The following POMK variants were observed in gnomAD, a reference collection of about 807,000 sequenced individuals.
The protein encoded by POMK is protein O-mannose kinase.
A neutral mutation model predicts 23.0 loss-of-function variants in POMK; 19 were observed. The ratio of observed to expected loss-of-function variants is 0.83; its 90% confidence interval spans 0.58 to 1.21. The LOEUF is 1.21. Ranked by LOEUF, POMK falls within the 50% of genes most tolerant of loss-of-function variation. POMK has a pLI of 0.00. For synonymous variants in POMK, 173 were observed against 171.6 expected (o/e 1.01, Z -0.06); for missense variants, 410 against 431.3 (o/e 0.95, Z 0.44).
chr8:43,114,101 T>A (rs896864036), intron 4 of POMK, among the ~76,000 whole-genome samples: 4 of 152,232 alleles, frequency 2.6e-5, no homozygotes, highest in African/African-American at 9.6e-5. Context: ...TTGTCAGATC[T>A]CCAGCTGCGT....
chr8:43,114,776 T>A lies in POMK; in HGVS notation c.283-7331T>A, dbSNP rs562737852. ...TGCCCCTTCGATGCTTTGAGATTTT[T>A]AAACCCAAGATTACATTAAAAGAAC... is the stretch of plus-strand genomic sequence containing the variant. On this transcript the variant is annotated intron_variant, in intron 4 of 4. Coordinates refer to ENST00000331373, the MANE Select transcript of POMK (RefSeq NM_032237.5). Among the ~76,000 whole-genome samples the A allele has an allele frequency of 4.6e-5, 7 of 152,350 alleles. 1 individual carries two copies. In the South Asian group the frequency reaches 1.5e-3, roughly 32 times the overall value.
At chr8:43,105,110 A>G (rs1240792585) in intron 4 of POMK, among the ~76,000 whole-genome samples, 1 of 152,220 alleles carries the variant, frequency 6.6e-6, no homozygotes, top group Non-Finnish European at 1.5e-5. Context: ...TGATGTTTCC[A>G]TACCTACTTA....
chr8:43,108,938 T>C (rs1043614012), intron 4 of POMK, among the ~76,000 whole-genome samples: 1 of 152,218 alleles, frequency 6.6e-6, no homozygotes, highest in African/African-American at 2.4e-5. Flanking sequence ...CATATCAGAA[T>C]TGTAGGAATT....
rs749227228 is a variant in POMK, at chr8:43,122,795, C to T, written c.971C>T (p.Ala324Val). The T allele has an allele frequency of 1.9e-6, 3 of 1,614,086 alleles. No individual in the cohort carries two copies. Among genetic ancestry groups the T allele is most frequent in the Non-Finnish European group, 1.7e-6 (2 of 1,179,958 alleles). The change falls in exon 5 of 5, where the codon GCC becomes GTC. Residue 324 changes from alanine to valine, a missense_variant. Physicochemically the swap from Ala to Val is moderately conservative, Grantham distance 64. Transcript: ENST00000331373. Reference sequence around the variant, plus strand: ...CAGACTCCCTCAGAAAGACCCACTGCCCAGGACGTTCTGGAGACCTACCAG... The same window carrying T: ...CAGACTCCCTCAGAAAGACCCACTGTCCAGGACGTTCTGGAGACCTACCAG... The part of the protein sequence containing the change: ...KSQTPSERPT[A>V]QDVLETYQKV...
At chr8:43,098,947 TTTTA>T in intron 2 of POMK, among the ~76,000 whole-genome samples, 1 of 152,256 alleles carries the variant, frequency 6.6e-6, no homozygotes, top group Middle Eastern at 3.4e-3. Context: ...ATTTTAAAAA[TTTTA>T]TTTGTTTATT....
intron 4 of POMK, among the ~76,000 whole-genome samples, chr8:43,121,148 G>C (rs781234764): frequency 6.6e-6 from 1 of 152,158 alleles, no homozygotes; most frequent in Non-Finnish European, 1.5e-5. Context: ...AGATGTTAGA[G>C]TCTCTTGATA....
At position 43,104,573 on chromosome 8, in the gene POMK, A is replaced by ATTCT. The variant is rs1262227810; in HGVS notation, c.282+744_282+745insTCTT. Among the ~76,000 whole-genome samples, 3 of 152,220 alleles carry ATTCT rather than the reference A, an allele frequency of 2.0e-5. 1 individual carries two copies. The highest frequency in any genetic ancestry group is 1.5e-5 in the Non-Finnish European group (1 of 68,036). ...CAAGAGGCAACATGAATAAAACCTT[A>ATTCT]TGATGATAAGTGAAGAAAACAAGAT... On this transcript the variant is annotated intron_variant, in intron 4 of 4. Transcript: ENST00000331373.
chr8:43,100,641 A>AT (rs1208456590), intron 2 of POMK, among the ~76,000 whole-genome samples: 1 of 151,842 alleles, frequency 6.6e-6, no homozygotes, highest in Non-Finnish European at 1.5e-5. Flanking sequence ...GCATGCGCTA[A>AT]TAAAGGTCTG....
intron 4 of POMK, among the ~76,000 whole-genome samples, chr8:43,107,973 G>A (rs1331126921): frequency 2.0e-5 from 3 of 152,222 alleles, no homozygotes; most frequent in Non-Finnish European, 4.4e-5. Flanking sequence ...ATGAGCCTCT[G>A]CGCCTGGCTA....
At chr8:43,109,951 A>G (rs1250632862) in intron 4 of POMK, among the ~76,000 whole-genome samples, 1 of 152,222 alleles carries the variant, frequency 6.6e-6, no homozygotes, top group African/African-American at 2.4e-5. Flanking sequence ...TCCAATTTCC[A>G]ATTTATGGAA....
chr8:43,112,501 T>C (rs1023054078), intron 4 of POMK, among the ~76,000 whole-genome samples: 3 of 152,120 alleles, frequency 2.0e-5, no homozygotes, highest in Non-Finnish European at 4.4e-5. Flanking sequence ...CAGGATATTA[T>C]CCAGGAGAAC....
chr8:43,096,445 G>A (rs752074456), intron 1 of POMK, among the ~76,000 whole-genome samples: 25 of 152,036 alleles, frequency 1.6e-4, no homozygotes, highest in Middle Eastern at 3.4e-3. Context: ...GGCGGATCAC[G>A]AGGTCAGGAG....
At chr8:43,110,901 C>T (rs1006293352) in intron 4 of POMK, among the ~76,000 whole-genome samples, 1 of 151,362 alleles carries the variant, frequency 6.6e-6, no homozygotes, top group African/African-American at 2.4e-5. Flanking sequence ...GCCTGGGGTA[C>T]AAGAGTGAGC....
At chr8:43,105,637 A>G (rs1451326037) in intron 4 of POMK, among the ~76,000 whole-genome samples, 4 of 152,176 alleles carry the variant, frequency 2.6e-5, no homozygotes, top group Admixed American at 6.5e-5. Flanking sequence ...TAGTGCTGCA[A>G]TAAACATCGG....
Position 43,123,014 on chromosome 8 carries a change from A to G in POMK, c.*137A>G. On this transcript the variant is annotated 3_prime_UTR_variant, in exon 5 of 5. Transcript: ENST00000331373. ...GGCTTAGCCATGTGGTTCGTTGTCC[A>G]CATCCACATGTACGTTTGTATGTAG... 5.5e-6 allele frequency: 4 copies of G among 728,714 alleles called. No individual in the cohort carries two copies. Among genetic ancestry groups the G allele is most frequent in the Non-Finnish European group, 8.9e-6 (4 of 448,010 alleles). The allele number at this position is 728,714 out of a possible 1,614,324, so 45.1% of individuals were successfully genotyped here.
intron 4 of POMK, among the ~76,000 whole-genome samples, chr8:43,104,341 T>G (rs925296387): frequency 6.6e-6 from 1 of 152,128 alleles, no homozygotes; most frequent in African/African-American, 2.4e-5. Flanking sequence ...AGGCTGGTCT[T>G]GAACTCCTGA....
rs139909602 is a variant in POMK, at chr8:43,105,219, G to A, written c.282+1389G>A. On this transcript the variant is annotated intron_variant, in intron 4 of 4. Transcript: ENST00000331373. The stretch of plus-strand genomic sequence containing the variant: ...AATATCTTCTCTTCTGGCTATTTGA[G>A]AGTGTATAATATATTGTTAATTATA... 2.5e-3 allele frequency among the ~76,000 whole-genome samples: 382 copies of A among 152,272 alleles called. 2 individuals carry two copies. Among genetic ancestry groups the A allele is most frequent in the South Asian group, 0.011 (53 of 4,826 alleles).
At chr8:43,102,845 A>G (rs1811472031) in intron 3 of POMK, among the ~76,000 whole-genome samples, 1 of 152,172 alleles carries the variant, frequency 6.6e-6, no homozygotes. Flanking sequence ...CCCACACATT[A>G]TCAGTGGTTA....
intron 4 of POMK, among the ~76,000 whole-genome samples, chr8:43,114,515 C>T (rs1282581249): frequency 2.0e-5 from 3 of 152,222 alleles, no homozygotes; most frequent in Non-Finnish European, 2.9e-5. Context: ...CCGTCTGTCA[C>T]CCCTTTCTTT....
Sources: allele counts gnomAD v4.1 joint callset (sites outside exome capture counted in the v4.1 genomes callset), GRCh38; gene constraint gnomAD v4.1.1; transcripts MANE v1.5; gene names NCBI Gene and HGNC (gene_info 2026-07-23, HGNC 2026-07-21).